The following PTPRD variants were observed in gnomAD, a reference collection of about 807,000 sequenced individuals.
PTPRD encodes the protein protein tyrosine phosphatase receptor type D, also known as receptor-type tyrosine-protein phosphatase delta.
In PTPRD, 34 loss-of-function variants were observed where a neutral mutation model predicts 214.5. That is an observed-to-expected ratio of 0.16 (90% CI 0.12 to 0.21). PTPRD has a LOEUF of 0.21. Ranked by LOEUF, PTPRD falls within the 10% of genes least tolerant of loss-of-function variation. PTPRD has a pLI of 1.00. For synonymous variants in PTPRD, 1,128 were observed against 845.7 expected (o/e 1.33, Z -5.79); for missense variants, 2,545 against 2,398.7 (o/e 1.06, Z -1.27).
At chr9:10,582,502 T>C (rs2072280184) in intron 2 of PTPRD, among the ~76,000 whole-genome samples, 1 of 152,214 alleles carries the variant, frequency 6.6e-6, no homozygotes. Flanking sequence ...TAAAACTATT[T>C]TAATTTTTCT....
intron 14 of PTPRD, among the ~76,000 whole-genome samples, chr9:8,572,262 A>G (rs918957276): frequency 3.9e-5 from 6 of 152,082 alleles, no homozygotes; most frequent in African/African-American, 1.4e-4. Context: ...AAGAGTCAGA[A>G]TATAGCCTCC....
At chr9:10,423,211 AAC>A (rs199591738) in intron 2 of PTPRD, among the ~76,000 whole-genome samples, 6,464 of 152,058 alleles carry the variant, frequency 0.043, 196 homozygotes, top group East Asian at 0.091. Context: ...AAGGACAGAA[AAC>A]CAAGCACCGC....
chr9:9,270,113 G>A (rs1942208913), intron 9 of PTPRD, among the ~76,000 whole-genome samples: 1 of 151,064 alleles, frequency 6.6e-6, no homozygotes, highest in African/African-American at 2.4e-5. Context: ...AACTAGGTGA[G>A]TTGATAGATA....
At chr9:9,744,071 T>C (rs1198400699) in intron 6 of PTPRD, among the ~76,000 whole-genome samples, 3 of 152,130 alleles carry the variant, frequency 2.0e-5, no homozygotes, top group Non-Finnish European at 1.5e-5. Context: ...TAACAGCGTT[T>C]CTTTAAGCCT....
chr9:9,076,434 C>T (rs1242099759), intron 10 of PTPRD, among the ~76,000 whole-genome samples: 1 of 151,800 alleles, frequency 6.6e-6, no homozygotes, highest in Admixed American at 6.6e-5. Context: ...TAACCGTCCC[C>T]TTTGCTCCCC....
At chr9:9,646,347 G>A (rs2096175104) in intron 7 of PTPRD, among the ~76,000 whole-genome samples, 1 of 148,066 alleles carries the variant, frequency 6.8e-6, no homozygotes, top group South Asian at 2.1e-4. Flanking sequence ...GTGTGTGGGT[G>A]TGTGTGTGTG....
chr9:9,378,184 C>T (rs562924188), intron 9 of PTPRD, among the ~76,000 whole-genome samples: 49 of 152,048 alleles, frequency 3.2e-4, no homozygotes, highest in Non-Finnish European at 5.9e-4. Flanking sequence ...CCTCTATGCC[C>T]CACCTAATCC....
At chr9:9,538,778 A>G (rs2154270152) in intron 8 of PTPRD, among the ~76,000 whole-genome samples, 1 of 152,046 alleles carries the variant, frequency 6.6e-6, no homozygotes, top group East Asian at 1.9e-4. Context: ...AAAGACTATG[A>G]AAAAGGCTTT....
At chr9:10,076,446 C>T (rs1362221059) in intron 3 of PTPRD, among the ~76,000 whole-genome samples, 1 of 152,094 alleles carries the variant, frequency 6.6e-6, no homozygotes, top group Non-Finnish European at 1.5e-5. Flanking sequence ...CTTATTAACT[C>T]TGACTGGAGG....
At chr9:10,412,279 C>T (rs980049699) in intron 2 of PTPRD, among the ~76,000 whole-genome samples, 7 of 151,746 alleles carry the variant, frequency 4.6e-5, no homozygotes, top group East Asian at 2.0e-4. Flanking sequence ...GAAACTACTA[C>T]GAACATCTCT....
chr9:8,449,773 G>T lies in PTPRD; in HGVS notation c.3940C>A (p.His1314Asn). 6 of 1,614,076 alleles carry T rather than the reference G, an allele frequency of 3.7e-6. No individual in the cohort carries two copies. The highest frequency in any genetic ancestry group is 5.1e-6 in the Non-Finnish European group (6 of 1,179,970). Reference protein sequence around the residue: ...IPNNKEIPSHHPTDPVELRRL... With the variant: ...IPNNKEIPSHNPTDPVELRRL... The stretch of plus-strand genomic sequence containing the variant: ...CTCAGTTCTACAGGGTCTGTTGGGT[G>T]GTGTGAAGGGATCTCCTTATTGTTC... Residue 1314 changes from histidine to asparagine, a missense_variant, in exon 34 of 46, where the codon CAC (histidine) becomes AAC (asparagine). His to Asn is a moderately conservative substitution (Grantham distance 68, BLOSUM62 1). Transcript: ENST00000381196.
intron 3 of PTPRD, among the ~76,000 whole-genome samples, chr9:10,189,444 C>T (rs932105222): frequency 2.0e-5 from 3 of 152,144 alleles, no homozygotes; most frequent in African/African-American, 7.2e-5. Context: ...ACTAAAGGCC[C>T]AACCTTATCA....
Position 8,607,761 on chromosome 9 carries a change from G to A in PTPRD, c.352+25556C>T, listed in dbSNP as rs141970243. On this transcript the variant is annotated intron_variant, in intron 14 of 45. Transcript: ENST00000381196. ...TACTAGAGCTGCCATGCCAAACCTC[G>A]TGGAGATTCATAGAATAGTCACTTA... Among the ~76,000 whole-genome samples, 279 of 152,280 alleles carry A rather than the reference G, an allele frequency of 1.8e-3. 3 individuals carry two copies. The highest frequency in any genetic ancestry group is 5.9e-3 in the African/African-American group (245 of 41,564).
chr9:8,761,567 G>A (rs996004730), intron 11 of PTPRD, among the ~76,000 whole-genome samples: 2 of 152,150 alleles, frequency 1.3e-5, no homozygotes, highest in African/African-American at 4.8e-5. Context: ...AAGCGGAGCT[G>A]CAAAGGTTAG....
At chr9:10,239,589 AG>A (rs2099640319) in intron 3 of PTPRD, among the ~76,000 whole-genome samples, 1 of 142,542 alleles carries the variant, frequency 7.0e-6, no homozygotes, top group Admixed American at 7.3e-5. Context: ...CAAGTCTAAT[AG>A]GGTTGATAAC....
At chr9:10,465,639 T>C (rs1443083539) in intron 2 of PTPRD, among the ~76,000 whole-genome samples, 1 of 152,208 alleles carries the variant, frequency 6.6e-6, no homozygotes, top group African/African-American at 2.4e-5. Flanking sequence ...GATAGGTTTA[T>C]ATACACAAAT....
intron 5 of PTPRD, among the ~76,000 whole-genome samples, chr9:9,885,277 C>T (rs2070412704): frequency 6.6e-6 from 1 of 151,920 alleles, no homozygotes; most frequent in Admixed American, 6.6e-5. Context: ...GTCCTTTCAA[C>T]AAGCAAAAGT....
chr9:9,736,514 A>G (rs892819352), intron 6 of PTPRD, among the ~76,000 whole-genome samples: 3 of 152,056 alleles, frequency 2.0e-5, no homozygotes, highest in African/African-American at 7.2e-5. Flanking sequence ...TAAGAGTGAC[A>G]TTACTGGGTC....
At chr9:8,776,084 C>A (rs941461448) in intron 11 of PTPRD, among the ~76,000 whole-genome samples, 30 of 152,046 alleles carry the variant, frequency 2.0e-4, no homozygotes, top group African/African-American at 7.0e-4. Context: ...CAGACAATAA[C>A]AAATGTTCCC....
Sources: allele counts gnomAD v4.1 joint callset (sites outside exome capture counted in the v4.1 genomes callset), GRCh38; gene constraint gnomAD v4.1.1; transcripts MANE v1.5; gene names NCBI Gene and HGNC (gene_info 2026-07-23, HGNC 2026-07-21).